Variants in DTNA observed in about 807,000 individuals in gnomAD.
The protein encoded by DTNA is dystrobrevin alpha, also known as dystrophin-related protein 3.
A neutral mutation model predicts 100.7 loss-of-function variants in DTNA; 43 were observed. The ratio of observed to expected loss-of-function variants is 0.43; its 90% CI spans 0.33 to 0.55. The LOEUF (loss-of-function observed/expected upper bound fraction) is 0.55. Ranked by LOEUF, DTNA falls within the 20% of genes least tolerant of loss-of-function variation. The pLI, the probability that DTNA is intolerant of heterozygous loss-of-function variation, is 0.04. For missense variants in DTNA, 798 were observed against 953.9 expected (o/e 0.84, Z 2.15); for synonymous variants, 349 against 347.9 (o/e 1.00, Z -0.04).
At chr18:34,562,708 A>G (rs950921090) in intron 1 of DTNA, among the ~76,000 whole-genome samples, 6 of 152,188 alleles carry the variant, frequency 3.9e-5, no homozygotes, top group Non-Finnish European at 7.3e-5. Flanking sequence ...TTAGATACAC[A>G]AATATCTAAC....
chr18:34,557,103 T>C (rs1182221124), intron 1 of DTNA, among the ~76,000 whole-genome samples: 1 of 150,868 alleles, frequency 6.6e-6, no homozygotes, highest in Non-Finnish European at 1.5e-5. Flanking sequence ...CCCTTCTCGC[T>C]TCATTTCATT....
chr18:34,824,913 C>T (rs115879580), intron 9 of DTNA, among the ~76,000 whole-genome samples: 4 of 115,598 alleles, frequency 3.5e-5, no homozygotes, highest in African/African-American at 1.4e-4. Flanking sequence ...TAACATTTTA[C>T]AGGTAGCCTT....
At chr18:34,668,158 G>C (rs1171674956) in intron 1 of DTNA, among the ~76,000 whole-genome samples, 1 of 152,290 alleles carries the variant, frequency 6.6e-6, no homozygotes, top group Non-Finnish European at 1.5e-5. Flanking sequence ...TCTTGGGAGG[G>C]TGTATGTGTT....
intron 1 of DTNA, among the ~76,000 whole-genome samples, chr18:34,646,979 G>C (rs1408824149): frequency 4.6e-5 from 7 of 151,952 alleles, no homozygotes; most frequent in Non-Finnish European, 1.5e-5. Flanking sequence ...CTCCCAAAGT[G>C]CTGGGATTAC....
intron 8 of DTNA, 138 bp downstream of exon 8, chr18:34,818,468 C>T: frequency 1.6e-5 from 25 of 1,535,720 alleles, no homozygotes; most frequent in Non-Finnish European, 2.1e-5. Context: ...CCCCCTTCCT[C>T]CCACTCTCCA....
chr18:34,806,394 T>A, intron 5 of DTNA, 90 bp downstream of exon 5: 1 of 1,061,430 alleles, frequency 9.4e-7, no homozygotes, highest in Non-Finnish European at 1.4e-6. Flanking sequence ...CCCTCCCCAT[T>A]TGTATCTTTC....
chr18:34,662,410 G>A (rs7231998), intron 1 of DTNA, among the ~76,000 whole-genome samples: 2,207 of 152,102 alleles, frequency 0.015, 40 homozygotes, highest in African/African-American at 0.047. Context: ...AGAAGATAAG[G>A]GACTGGGCGA....
Position 34,723,512 on chromosome 18 carries a change from T to G in DTNA, c.-2+13067T>G, listed in dbSNP as rs77273071. Among the ~76,000 whole-genome samples, 31 of 152,348 alleles carry G rather than the reference T, an allele frequency of 2.0e-4. 1 individual carries two copies. The East Asian group carries it at 5.8e-3, about 28-fold the overall frequency. ...TCTGAAATAAATATGTGAGACCATA[T>G]GTCAATAACCTAAATATAATTTGTG... On this transcript the variant is annotated intron_variant, in intron 1 of 22. Transcript: ENST00000444659.
chr18:34,650,756 G>A (rs1240975), intron 1 of DTNA, among the ~76,000 whole-genome samples: 15,704 of 152,032 alleles, frequency 0.1, 948 homozygotes, highest in African/African-American at 0.17. Context: ...CCTTTGTCCT[G>A]CTAAAACCAC....
At chr18:34,552,791 G>A (rs1036081501) in intron 1 of DTNA, among the ~76,000 whole-genome samples, 1 of 149,112 alleles carries the variant, frequency 6.7e-6, no homozygotes. Context: ...TGGACATTTG[G>A]GTTGGTTCCA....
intron 1 of DTNA, among the ~76,000 whole-genome samples, chr18:34,742,342 G>A (rs2090795164): frequency 6.6e-6 from 1 of 152,060 alleles, no homozygotes; most frequent in South Asian, 2.1e-4. Context: ...TAGAGTGTTG[G>A]CAGGGCTGCG....
intron 17 of DTNA, among the ~76,000 whole-genome samples, chr18:34,870,926 A>G (rs530748879): frequency 2.1e-4 from 32 of 152,312 alleles, no homozygotes; most frequent in African/African-American, 7.7e-4. Context: ...ACAACACTCT[A>G]TACACAATGA....
At chr18:34,503,463 AT>A (rs2040160204) in intron 1 of DTNA, among the ~76,000 whole-genome samples, 1 of 150,706 alleles carries the variant, frequency 6.6e-6, no homozygotes, top group Admixed American at 6.6e-5. Context: ...AATTTTTTGT[AT>A]TTTTAGTAGA....
intron 1 of DTNA, among the ~76,000 whole-genome samples, chr18:34,667,336 G>T (rs2076078188): frequency 1.3e-5 from 2 of 152,116 alleles, no homozygotes; most frequent in African/African-American, 2.4e-5. Flanking sequence ...GAGACGATGG[G>T]GTTTTCTAGA....
chr18:34,885,465 C>G lies in DTNA; in HGVS notation c.*31+689C>G, dbSNP rs151028851. 5.3e-3 allele frequency among the ~76,000 whole-genome samples: 810 copies of G among 152,288 alleles called. 7 individuals carry two copies. Among genetic ancestry groups the G allele is most frequent in the South Asian group, 0.021 (103 of 4,822 alleles). On this transcript the variant is annotated intron_variant, in intron 22 of 22. Coordinates refer to ENST00000444659, the MANE Select transcript of DTNA (RefSeq NM_001386795.1). ...GATTAGCACTGGACTGGCAGCATCA[C>G]TTGACTGTAGTGGTCTGAAGCTTAG...
chr18:34,890,965 TC>T lies in DTNA; in HGVS notation c.*3233del. The T allele has an allele frequency of 6.5e-6, 1 of 152,824 alleles. No individual in the cohort carries two copies. Among genetic ancestry groups the T allele is most frequent in the Non-Finnish European group, 1.5e-5 (1 of 68,228 alleles). 9.5% of individuals were successfully genotyped at this position (152,824 alleles called of 1,614,324 possible). On this transcript the variant is annotated 3_prime_UTR_variant, in exon 23 of 23. Coordinates refer to ENST00000444659, the MANE Select transcript of DTNA (RefSeq NM_001386795.1). ...GTTAACCGTAGATAGATCTTGTAAA[TC>T]CAGCAACCTTTGGTTGCTGCATTCC... is the stretch of plus-strand genomic sequence containing the variant.
intron 4 of DTNA, among the ~76,000 whole-genome samples, chr18:34,798,025 A>G (rs943407160): frequency 6.6e-6 from 1 of 152,118 alleles, no homozygotes; most frequent in African/African-American, 2.4e-5. Flanking sequence ...TTTAAGACCG[A>G]GTCTCACTCT....
chr18:34,868,815 G>A (rs569654667), intron 17 of DTNA: 1 of 945,970 alleles, frequency 1.1e-6, no homozygotes, highest in Non-Finnish European at 1.3e-6. Flanking sequence ...AACTTGAATT[G>A]AAGTTATCCT....
At chr18:34,535,712 G>T (rs907985361) in intron 1 of DTNA, among the ~76,000 whole-genome samples, 83 of 151,984 alleles carry the variant, frequency 5.5e-4, no homozygotes, top group African/African-American at 1.7e-3. Flanking sequence ...TCTGCATATG[G>T]CTAGCCAGTT....
Sources: gnomAD v4.1 joint callset for allele counts (sites outside exome capture counted in the v4.1 genomes callset) on GRCh38, gnomAD v4.1.1 for gene constraint, MANE v1.5 for transcripts, NCBI Gene and HGNC (gene_info 2026-07-23, HGNC 2026-07-21) for gene names.